Variants in TMTC2 observed in about 807,000 individuals in gnomAD.
TMTC2 encodes the protein protein O-mannosyl-transferase TMTC2.
Under a neutral mutation model 82.4 loss-of-function variants are expected in TMTC2, and 43 were observed. That is an observed-to-expected ratio of 0.52 (90% CI 0.41 to 0.67). TMTC2 has a LOEUF of 0.67. TMTC2 is among the 30% of genes least tolerant of loss of function. TMTC2 has a pLI of 0.00. For synonymous variants in TMTC2, 408 were observed against 381.9 expected (o/e 1.07, Z -0.80); for missense variants, 919 against 1,012.4 (o/e 0.91, Z 1.25).
chr12:82,757,978 C>A (rs1466543501), intron 1 of TMTC2, among the ~76,000 whole-genome samples: 1 of 152,028 alleles, frequency 6.6e-6, no homozygotes, highest in Admixed American at 6.6e-5. Flanking sequence ...AAATCAAAAC[C>A]CTTGACTATT....
chr12:82,837,815 C>G (rs1293715380), intron 1 of TMTC2, among the ~76,000 whole-genome samples: 1 of 152,138 alleles, frequency 6.6e-6, no homozygotes, highest in African/African-American at 2.4e-5. Flanking sequence ...TTAGGATTAT[C>G]TATTTTATTA....
At chr12:82,728,523 C>T (rs1051792923) in intron 1 of TMTC2, among the ~76,000 whole-genome samples, 1 of 152,088 alleles carries the variant, frequency 6.6e-6, no homozygotes, top group African/African-American at 2.4e-5. Flanking sequence ...GAGTTCCAGA[C>T]CAGCCGGGCC....
At chr12:83,051,857 T>G in intron 10 of TMTC2, among the ~76,000 whole-genome samples, 1 of 152,176 alleles carries the variant, frequency 6.6e-6, no homozygotes, top group South Asian at 2.1e-4. Context: ...GATTATCAGG[T>G]TTTTTTGTGT....
At chr12:82,829,947 T>A (rs954045183) in intron 1 of TMTC2, among the ~76,000 whole-genome samples, 1 of 152,158 alleles carries the variant, frequency 6.6e-6, no homozygotes, top group African/African-American at 2.4e-5. Flanking sequence ...GGAGGTTTGA[T>A]ATTATGGGAA....
chr12:82,951,704 AGC>A (rs1877356116), intron 4 of TMTC2, among the ~76,000 whole-genome samples: 1 of 152,210 alleles, frequency 6.6e-6, no homozygotes, highest in Non-Finnish European at 1.5e-5. Context: ...AGAATAACGT[AGC>A]AGTATTTTAA....
intron 8 of TMTC2, among the ~76,000 whole-genome samples, chr12:83,005,295 C>G (rs1187938442): frequency 6.8e-6 from 1 of 146,838 alleles, no homozygotes. Context: ...CGCCACCGCA[C>G]TCCAGCCTGG....
At chr12:83,108,846 C>G (rs1884504384) in intron 11 of TMTC2, among the ~76,000 whole-genome samples, 1 of 152,082 alleles carries the variant, frequency 6.6e-6, no homozygotes, top group African/African-American at 2.4e-5. Flanking sequence ...TCAAAGTTAA[C>G]TTTACTAAAA....
At chr12:82,826,766 C>T (rs925621269) in intron 1 of TMTC2, among the ~76,000 whole-genome samples, 4 of 152,118 alleles carry the variant, frequency 2.6e-5, no homozygotes, top group Admixed American at 1.3e-4. Context: ...AGCAGTCACT[C>T]TTGCTAACTG....
intron 2 of TMTC2, among the ~76,000 whole-genome samples, chr12:82,863,161 C>T (rs957119321): frequency 1.3e-5 from 2 of 151,910 alleles, no homozygotes; most frequent in Non-Finnish European, 1.5e-5. Context: ...AGTTGTGACC[C>T]CCCCCCAATA....
intron 10 of TMTC2, among the ~76,000 whole-genome samples, chr12:83,058,884 T>C (rs982183600): frequency 6.6e-6 from 1 of 151,866 alleles, no homozygotes; most frequent in African/African-American, 2.4e-5. Flanking sequence ...AAAAATGAGA[T>C]ATTTCAGGAA....
rs138144835 is a variant in TMTC2 at position 82,777,299 on chromosome 12, T to A, written c.84-79711T>A. On this transcript the variant is annotated intron_variant, in intron 1 of 11. Transcript: ENST00000321196. ...GGAATATAGACATTTATAGTTCTTCTACTTATTGCAATCAATATAGAACTG... is the reference window on the plus strand; with the variant it reads ...GGAATATAGACATTTATAGTTCTTCAACTTATTGCAATCAATATAGAACTG... Among the ~76,000 whole-genome samples, 13 of 152,308 alleles carry A rather than the reference T, an allele frequency of 8.5e-5. No individual in the cohort carries two copies. The East Asian group carries it at 2.5e-3, about 29-fold the overall frequency.
At chr12:83,126,783 A>G (rs1885109917) in intron 11 of TMTC2, among the ~76,000 whole-genome samples, 2 of 152,220 alleles carry the variant, frequency 1.3e-5, no homozygotes, top group South Asian at 4.1e-4. Context: ...AGTGAAAGGA[A>G]TGAGGTATTT....
intron 1 of TMTC2, among the ~76,000 whole-genome samples, chr12:82,768,002 A>G (rs1396847347): frequency 3.1e-4 from 46 of 147,590 alleles, no homozygotes; most frequent in Admixed American, 3.1e-3. Context: ...GTTTTTCTCC[A>G]TATTACTTTG....
At chr12:82,923,614 A>G (rs372485163) in intron 3 of TMTC2, among the ~76,000 whole-genome samples, 2 of 151,968 alleles carry the variant, frequency 1.3e-5, no homozygotes, top group South Asian at 2.1e-4. Context: ...ACTTTTTCAC[A>G]TTTAACTTTT....
intron 1 of TMTC2, among the ~76,000 whole-genome samples, chr12:82,813,134 C>G (rs904306069): frequency 1.3e-5 from 2 of 152,016 alleles, no homozygotes; most frequent in Non-Finnish European, 2.9e-5. Context: ...GTGAACTCAG[C>G]TATGTAATAC....
intron 3 of TMTC2, among the ~76,000 whole-genome samples, chr12:82,910,148 A>G (rs1456535924): frequency 6.6e-6 from 1 of 152,226 alleles, no homozygotes; most frequent in South Asian, 2.1e-4. Flanking sequence ...AGAATTCCAG[A>G]TAAGTCTCAA....
At chr12:82,752,149 T>A (rs868567989) in intron 1 of TMTC2, among the ~76,000 whole-genome samples, 3,895 of 149,316 alleles carry the variant, frequency 0.026, 222 homozygotes, top group African/African-American at 0.094. Flanking sequence ...GGAAGCTCCT[T>A]TTTTTTTTTT....
chr12:83,064,845 T>TA (rs1882862517), intron 11 of TMTC2, among the ~76,000 whole-genome samples: 1 of 151,996 alleles, frequency 6.6e-6, no homozygotes, highest in Admixed American at 6.6e-5. Flanking sequence ...CCTTTATTCA[T>TA]AAAAAACATT....
chr12:82,906,210 C>T (rs979835190), intron 3 of TMTC2, among the ~76,000 whole-genome samples: 6 of 152,102 alleles, frequency 3.9e-5, no homozygotes, highest in Non-Finnish European at 5.9e-5. Context: ...TTGTTTACCT[C>T]GAATTGAGTG....
Sources: allele counts gnomAD v4.1 joint callset (sites outside exome capture counted in the v4.1 genomes callset), GRCh38; gene constraint gnomAD v4.1.1; transcripts MANE v1.5; gene names NCBI Gene and HGNC (gene_info 2026-07-23, HGNC 2026-07-21).